The following FLT1 variants were observed in gnomAD, a reference collection of about 807,000 sequenced individuals.
FLT1 encodes the protein vascular endothelial growth factor receptor 1.
In FLT1, 49 loss-of-function variants were observed where a neutral mutation model predicts 156.3. The observed-to-expected ratio is 0.31, with a 90% CI of 0.25 to 0.40. FLT1 has a LOEUF of 0.40. FLT1 is among the 10% of genes least tolerant of loss of function. FLT1 has a pLI of 1.00. For synonymous variants in FLT1, 594 were observed against 583.8 expected, an observed-to-expected ratio of 1.02 and a Z score of -0.25; for missense variants, 1,322 against 1,637.2, an observed-to-expected ratio of 0.81 and a Z score of 3.32.
intron 1 of FLT1, among the ~76,000 whole-genome samples, chr13:28,477,629 A>G (rs1417056693): frequency 6.6e-6 from 1 of 152,162 alleles, no homozygotes; most frequent in African/African-American, 2.4e-5. Flanking sequence ...TTTACACCCT[A>G]AAAATGCATA....
chr13:28,311,912 T>C, intron 26 of FLT1, 81 bp downstream of exon 26: 1 of 1,104,776 alleles, frequency 9.1e-7, no homozygotes, highest in African/African-American at 1.5e-5. Context: ...ATTATATTAA[T>C]AGCTCTTAAA....
In FLT1 at chr13:28,303,280, C is replaced by A. The variant is rs758531658; in HGVS notation, c.3904G>T (p.Glu1302Ter). The A allele has an allele frequency of 6.2e-7, 1 of 1,613,952 alleles. No homozygotes were observed. The highest frequency in any genetic ancestry group is 1.3e-5 in the African/African-American group (1 of 74,896). ...TCGTAGGTGAACCTGCGCTTGCCTT[C>A]GCTGACGTGCCCACAGCTGGAATGG... ...FCHSSCGHVS[E>*]GKRRFTYDHA... Residue 1302 changes from glutamate to a stop codon, truncating the protein, a stop_gained, in exon 30 of 30, where the codon GAA becomes TAA. Transcript: ENST00000282397. LOFTEE classifies it high-confidence loss of function.
At position 28,389,431 on chromosome 13, in the gene FLT1, G is replaced by C. The variant is rs186273156; in HGVS notation, c.1969+365C>G. On this transcript the variant is annotated intron_variant, in intron 13 of 29. Transcript: ENST00000282397. ...AAGGAAAGGATCATCCCAAGTTGTT[G>C]TTTATCAGGCAGGAGAAAACAGCAA... The C allele has an allele frequency of 3.9e-6, 5 of 1,285,740 alleles. No individual in the cohort carries two copies. The East Asian group carries it at 1.4e-4, about 37-fold the overall frequency. The allele number at this position is 1,285,740 out of a possible 1,614,324, so 79.6% of individuals were successfully genotyped here. A position where few individuals can be genotyped will look rare whatever the true frequency, so the allele number is the denominator to read the frequency against.
At chr13:28,303,470 G>T in intron 29 of FLT1, 102 bp from the exon 30 acceptor site, 3 of 948,248 alleles carry the variant, frequency 3.2e-6, no homozygotes, top group Non-Finnish European at 4.8e-6. Context: ...GTTCATACCT[G>T]TCTAGAGTTC....
intron 15 of FLT1, chr13:28,346,254 C>G (rs1872562188): frequency 3.3e-5 from 5 of 152,354 alleles, no homozygotes; most frequent in Admixed American, 3.3e-4. Context: ...AAGCTGAGCA[C>G]TGTTCCTCCA....
chr13:28,406,432 C>T (rs1428957085), intron 10 of FLT1, among the ~76,000 whole-genome samples: 2 of 152,100 alleles, frequency 1.3e-5, no homozygotes, highest in Non-Finnish European at 2.9e-5. Context: ...TCTCAGGCCT[C>T]AAGTGTTTAA....
intron 1 of FLT1, among the ~76,000 whole-genome samples, chr13:28,491,761 C>G (rs915141970): frequency 2.6e-5 from 4 of 152,180 alleles, no homozygotes; most frequent in Non-Finnish European, 5.9e-5. Flanking sequence ...CAGGCCATTT[C>G]TTGGAATCAT....
chr13:28,368,618 A>G (rs893783767), intron 14 of FLT1: 11 of 1,374,180 alleles, frequency 8.0e-6, no homozygotes, highest in Non-Finnish European at 1.1e-5. Context: ...TGATGATGAC[A>G]ATGGTGATGA....
At chr13:28,452,035 T>G (rs1215012316) in intron 3 of FLT1, among the ~76,000 whole-genome samples, 1 of 152,124 alleles carries the variant, frequency 6.6e-6, no homozygotes, top group Non-Finnish European at 1.5e-5. Flanking sequence ...GAAATGAAAT[T>G]TTTACGTGAA....
At chr13:28,338,742 A>G (rs1037487780) in intron 17 of FLT1, among the ~76,000 whole-genome samples, 1 of 152,268 alleles carries the variant, frequency 6.6e-6, no homozygotes, top group African/African-American at 2.4e-5. Flanking sequence ...GCCACCCTCA[A>G]TTATGTTCTG....
intron 1 of FLT1, among the ~76,000 whole-genome samples, chr13:28,491,677 A>G (rs1029731349): frequency 6.6e-5 from 10 of 152,206 alleles, no homozygotes; most frequent in Admixed American, 2.0e-4. Flanking sequence ...CCAGCATCAT[A>G]TGGTTTCTCA....
chr13:28,474,507 C>CACACACACAGACACACAG (rs1555245769), intron 1 of FLT1, among the ~76,000 whole-genome samples: 214 of 150,692 alleles, frequency 1.4e-3, no homozygotes, highest in African/African-American at 5.0e-3. Flanking sequence ...CACACACACA[C>CACACACACAGACACACAG]ACACACACAC....
intron 1 of FLT1, among the ~76,000 whole-genome samples, chr13:28,488,881 G>A (rs1187711934): frequency 6.6e-6 from 1 of 152,220 alleles, no homozygotes; most frequent in Non-Finnish European, 1.5e-5. Context: ...TCTCAGCCCA[G>A]CACCCAAGGA....
At position 28,319,481 on chromosome 13, in the gene FLT1, G is replaced by A. The variant is rs2138826660; in HGVS notation, c.3228C>T (p.Tyr1076=). 6 of 1,614,044 alleles carry A rather than the reference G, an allele frequency of 3.7e-6. No individual in the cohort carries two copies. Among genetic ancestry groups the A allele is most frequent in the African/African-American group, 2.7e-5 (2 of 75,050 alleles). Reference sequence around the variant, plus strand: ...AAGACCACACGTCGCTCTTGGTGCTGTAGATTTTGTCAAAGATAGATTCAG... The same window carrying A: ...AAGACCACACGTCGCTCTTGGTGCTATAGATTTTGTCAAAGATAGATTCAG... The part of the protein sequence containing the change: ...MAPESIFDKI[Y]STKSDVWSYG... The change falls in exon 24 of 30, where the codon TAC becomes TAT. Residue 1076 remains tyrosine, a synonymous_variant. Transcript: ENST00000282397.
chr13:28,318,978 T>C (rs1871322914), intron 24 of FLT1, among the ~76,000 whole-genome samples: 1 of 152,202 alleles, frequency 6.6e-6, no homozygotes, highest in Non-Finnish European at 1.5e-5. Context: ...AGGTCTCCTG[T>C]TTCTAACAAC....
At chr13:28,380,938 C>T (rs1349055037) in intron 14 of FLT1, among the ~76,000 whole-genome samples, 1 of 152,024 alleles carries the variant, frequency 6.6e-6, no homozygotes, top group Non-Finnish European at 1.5e-5. Flanking sequence ...AAAAGGGCTC[C>T]GAGAGTAAGG....
intron 3 of FLT1, among the ~76,000 whole-genome samples, chr13:28,455,042 A>G (rs1405649507): frequency 6.6e-6 from 1 of 152,194 alleles, no homozygotes; most frequent in East Asian, 1.9e-4. Flanking sequence ...CATCTTGGAT[A>G]AAAAGGTTCA....
chr13:28,389,841 A>G lies in FLT1; in HGVS notation c.1924T>C (p.Tyr642His), dbSNP rs776196434. The G allele has an allele frequency of 2.5e-6, 4 of 1,614,026 alleles. No individual in the cohort carries two copies. The African/African-American group carries it at 5.3e-5, about 22-fold the overall frequency. The stretch of plus-strand genomic sequence containing the variant: ...TTCTGGAGGATTTCTTCCCCTGTGT[A>G]TACATTCCTGGCTCTGCAGGCATAG... ...GTYACRARNV[Y>H]TGEEILQKKE... The change falls in exon 13 of 30, where the codon TAC becomes CAC. Residue 642 changes from tyrosine (Y) to histidine (H), a missense_variant. By Grantham distance (83) the Tyr-to-His change is moderately conservative (BLOSUM62 2). Around this residue, in one of 3 missense-constraint regions of FLT1, gnomAD observed 991 missense variants for 1,254.8 expected, o/e 0.79. Coordinates refer to ENST00000282397, the MANE Select transcript of FLT1 (RefSeq NM_002019.4).
chr13:28,389,403 T>TC, intron 13 of FLT1: 1 of 1,269,318 alleles, frequency 7.9e-7, no homozygotes, highest in South Asian at 3.5e-5. Context: ...GGCATCAAAA[T>TC]GGAAGGAAAG....
Sources: allele counts gnomAD v4.1 joint callset (sites outside exome capture counted in the v4.1 genomes callset), GRCh38; gene constraint gnomAD v4.1.1; regional missense constraint gnomAD v4.1.1; transcripts MANE v1.5; gene names NCBI Gene and HGNC (gene_info 2026-07-23, HGNC 2026-07-21).